The following TAPBPL variants were observed in gnomAD, a reference collection of about 807,000 sequenced individuals.
TAPBPL encodes the protein tapasin-related protein.
In TAPBPL, 32 loss-of-function variants were observed where a neutral mutation model predicts 44.8. That is an observed-to-expected ratio of 0.71 (90% CI 0.54 to 0.96). The LOEUF (loss-of-function observed/expected upper bound fraction) is 0.96. Among genes scored for constraint, TAPBPL ranks in the 40% least tolerant of loss-of-function variants. The pLI is 0.00. For missense variants in TAPBPL, 520 were observed against 586.6 expected (o/e 0.89, Z 1.17); for synonymous variants, 230 against 240.7 (o/e 0.96, Z 0.41).
chr12:6,458,998 C>T (rs1285309671), intron 5 of TAPBPL, 51 bp downstream of exon 5: 2 of 1,574,522 alleles, frequency 1.3e-6, no homozygotes, highest in Admixed American at 3.5e-5. Context: ...GCTCATGGCT[C>T]TCCTGCCCCA....
At position 6,453,759 on chromosome 12, in the gene TAPBPL, TG is replaced by T. The variant is rs1565515037; in HGVS notation, c.565+44del. 12 of 1,523,058 alleles carry T rather than the reference TG, an allele frequency of 7.9e-6. No individual in the cohort carries two copies. In the Admixed American group the frequency reaches 8.3e-5, roughly 11 times the overall value. 94.3% of individuals were successfully genotyped at this position (1,523,058 alleles called of 1,614,324 possible). A position where few individuals can be genotyped will look rare whatever the true frequency, so the allele number is the denominator to read the frequency against. On this transcript the variant is annotated intron_variant, in intron 3 of 6. Transcript: ENST00000266556. The surrounding 1 kb of genome is among the most constrained non-coding windows in gnomAD (Gnocchi z 4.8). ...AAGGCCAGGTGTGGTGGCTCACGCC[TG>T]TAATTCCAGAATTTTGGGATACCGA...
chr12:6,469,186 T>C (rs1592151865), downstream of TAPBPL, among the ~76,000 whole-genome samples: 1 of 152,200 alleles, frequency 6.6e-6, no homozygotes, highest in African/African-American at 2.4e-5. Flanking sequence ...CACAAAGTCA[T>C]GGGAGCCACA....
the TAPBPL span, among the ~76,000 whole-genome samples, chr12:6,471,610 C>G: frequency 6.6e-6 from 1 of 152,136 alleles, no homozygotes; most frequent in African/African-American, 2.4e-5. This position sits in a 1 kb window ranked among gnomAD's most constrained non-coding sequence, Gnocchi z 4.0. Flanking sequence ...GGCAGATTAC[C>G]TGAGATCAGG....
chr12:6,463,553 C>T (rs1164740018), downstream of TAPBPL: 1 of 1,055,532 alleles, frequency 9.5e-7, no homozygotes, highest in Non-Finnish European at 1.1e-6. This position sits in a 1 kb window ranked among gnomAD's most constrained non-coding sequence, Gnocchi z 4.0. Flanking sequence ...GTGGCTTCCT[C>T]TGAGCTTGTT....
chr12:6,459,492 A>C (rs921665277), intron 5 of TAPBPL, among the ~76,000 whole-genome samples: 3 of 152,216 alleles, frequency 2.0e-5, no homozygotes, highest in Non-Finnish European at 4.4e-5. Flanking sequence ...CAAGCAGTGT[A>C]GAAAGCACTT....
downstream of TAPBPL, among the ~76,000 whole-genome samples, chr12:6,469,911 C>CCTTGGTATGAACAGCCG (rs1945728087): frequency 6.6e-6 from 1 of 152,180 alleles, no homozygotes; most frequent in Admixed American, 6.5e-5. Context: ...ATACGAATGG[C>CCTTGGTATGAACAGCCG]CTTGGTATGA....
downstream of TAPBPL, chr12:6,463,679 A>G: frequency 9.1e-7 from 1 of 1,097,546 alleles, no homozygotes; most frequent in Non-Finnish European, 1.1e-6. The surrounding 1 kb of genome is among the most constrained non-coding windows in gnomAD (Gnocchi z 4.0). Context: ...TAAAACTACC[A>G]GCTAGATGGA....
chr12:6,464,592 T>A (rs1363950896), downstream of TAPBPL: 7 of 1,459,970 alleles, frequency 4.8e-6, no homozygotes, highest in African/African-American at 4.3e-5. Context: ...TCTCCATTGT[T>A]AAGTGCCCCA....
chr12:6,465,383 T>TATGTATATATATATATATAC (rs1555130166), downstream of TAPBPL: 4 of 87,392 alleles, frequency 4.6e-5, no homozygotes, highest in Non-Finnish European at 7.2e-5. Context: ...AATGTATATA[T>TATGTATATATATATATATAC]ATGTATATAT....
chr12:6,470,974 T>G (rs1004247082), downstream of TAPBPL: 2 of 176,254 alleles, frequency 1.1e-5, no homozygotes, highest in Non-Finnish European at 2.4e-5. Flanking sequence ...AGCAGTTTGT[T>G]AGGCATTTGT....
At chr12:6,461,899 C>A (rs1206744260) in intron 6 of TAPBPL, 135 bp from the exon 7 acceptor site, 1 of 656,190 alleles carries the variant, frequency 1.5e-6, no homozygotes, top group Non-Finnish European at 2.6e-6. Flanking sequence ...TGGGCACATC[C>A]CCTGGGACAG....
At position 6,462,190 on chromosome 12, in the gene TAPBPL, T is replaced by C. The variant is rs957905284; in HGVS notation, c.*41T>C. The stretch of plus-strand genomic sequence containing the variant: ...GACTACTAGAAAGAAACGACACCCT[T>C]CCCCAAGCCCCCACAGCTACTCCAA... On this transcript the variant is annotated 3_prime_UTR_variant, in exon 7 of 7. Coordinates refer to ENST00000266556, the MANE Select transcript of TAPBPL (RefSeq NM_018009.5). 2 of 1,521,772 alleles carry C rather than the reference T, an allele frequency of 1.3e-6. No individual in the cohort carries two copies. The highest frequency in any genetic ancestry group is 1.8e-6 in the Non-Finnish European group (2 of 1,118,762). 94.3% of individuals were successfully genotyped at this position (1,521,772 alleles called of 1,614,324 possible).
At chr12:6,462,875 G>A, downstream of TAPBPL, 8 of 1,602,312 alleles carry the variant, frequency 5.0e-6, no homozygotes, top group Non-Finnish European at 6.8e-6. Context: ...TGGGAAACAA[G>A]GGCGAAAGGA....
chr12:6,452,570 A>C, intron 1 of TAPBPL: 1 of 1,367,552 alleles, frequency 7.3e-7, no homozygotes, highest in Non-Finnish European at 9.4e-7. Context: ...TCCTACAGAG[A>C]GGGCACTGGC....
chr12:6,464,970 C>G (rs779097775), downstream of TAPBPL: 2 of 1,612,650 alleles, frequency 1.2e-6, no homozygotes, highest in Non-Finnish European at 1.7e-6. Context: ...AAAATGAGCC[C>G]TTGGATTTCA....
At chr12:6,462,908 T>C, downstream of TAPBPL, 10 of 1,575,408 alleles carry the variant, frequency 6.3e-6, no homozygotes, top group South Asian at 1.2e-5. Context: ...TTTTGAGCAA[T>C]GAAATGCTGC....
At chr12:6,464,906 G>T, downstream of TAPBPL, 1 of 1,613,874 alleles carries the variant, frequency 6.2e-7, no homozygotes, top group African/African-American at 1.3e-5. Flanking sequence ...TAACTACCAC[G>T]ATGATGGCAC....
downstream of TAPBPL, chr12:6,463,807 T>A: frequency 8.4e-7 from 1 of 1,194,780 alleles, no homozygotes; most frequent in Non-Finnish European, 1.1e-6. This position sits in a 1 kb window ranked among gnomAD's most constrained non-coding sequence, Gnocchi z 4.0. Flanking sequence ...ATTTTCACAA[T>A]CCCTAAGTGT....
At chr12:6,468,957 C>T (rs1054535343), downstream of TAPBPL, among the ~76,000 whole-genome samples, 1 of 152,150 alleles carries the variant, frequency 6.6e-6, no homozygotes. Flanking sequence ...AAAAATGAAA[C>T]CACAAAGTCA....
Sources: allele counts gnomAD v4.1 joint callset (sites outside exome capture counted in the v4.1 genomes callset), GRCh38; gene constraint gnomAD v4.1.1; non-coding constraint Gnocchi (gnomAD v3.1); transcripts MANE v1.5; gene names NCBI Gene and HGNC (gene_info 2026-07-23, HGNC 2026-07-21).